Variants in NNT observed in about 807,000 individuals in gnomAD.
The protein encoded by NNT is NAD(P) transhydrogenase, mitochondrial.
NNT carries 50 observed loss-of-function variants against 104.8 expected under a neutral mutation model. The observed-to-expected ratio is 0.48, with a 90% confidence interval of 0.38 to 0.60. The LOEUF is 0.60. Among genes scored for constraint, NNT ranks in the 20% least tolerant of loss-of-function variants. NNT has a pLI of 0.00. For missense variants in NNT, 1,131 were observed against 1,330.7 expected, an observed-to-expected ratio of 0.85 and a Z score of 2.33; for synonymous variants, 461 against 490.4, an observed-to-expected ratio of 0.94 and a Z score of 0.79.
intron 5 of NNT, among the ~76,000 whole-genome samples, chr5:43,623,149 C>A (rs919674707): frequency 4.6e-5 from 7 of 152,106 alleles, no homozygotes; most frequent in Non-Finnish European, 1.0e-4. Context: ...GCCCAGAGCT[C>A]ACTGGAGCAC....
intron 20 of NNT, among the ~76,000 whole-genome samples, chr5:43,701,015 G>A (rs1470478111): frequency 6.6e-6 from 1 of 152,176 alleles, no homozygotes; most frequent in African/African-American, 2.4e-5. Flanking sequence ...GTTAAATTAT[G>A]TGTGACACCA....
chr5:43,637,445 T>G (rs1312181743), intron 7 of NNT, among the ~76,000 whole-genome samples: 1 of 152,208 alleles, frequency 6.6e-6, no homozygotes, highest in Non-Finnish European at 1.5e-5. Context: ...GATTTTGGTA[T>G]GGATCCATTA....
At chr5:43,679,718 T>C (rs566721723) in intron 19 of NNT, among the ~76,000 whole-genome samples, 10 of 152,188 alleles carry the variant, frequency 6.6e-5, no homozygotes, top group Admixed American at 1.3e-4. Context: ...GAGTAATTAT[T>C]TGATGAAAGG....
intron 17 of NNT, among the ~76,000 whole-genome samples, chr5:43,666,106 G>A (rs936812119): frequency 6.7e-6 from 1 of 149,472 alleles, no homozygotes; most frequent in South Asian, 2.1e-4. Context: ...CTCACTTCCC[G>A]GACTGGGCGG....
Position 43,677,817 on chromosome 5 carries a change from G to A in NNT, c.2876+11G>A, listed in dbSNP as rs762248503. 11 of 1,602,148 alleles carry A rather than the reference G, an allele frequency of 6.9e-6. No homozygotes were observed. Among genetic ancestry groups the A allele is most frequent in the Non-Finnish European group, 9.4e-6 (11 of 1,169,212 alleles). Reference sequence around the variant, plus strand: ...AGGCAAAAAAGTCAGGTAAGCGTTTGCAGTGGAGAGGCTTGCACTATGTGT... The same window carrying A: ...AGGCAAAAAAGTCAGGTAAGCGTTTACAGTGGAGAGGCTTGCACTATGTGT... On this transcript the variant is annotated intron_variant, in intron 19 of 21. Coordinates refer to ENST00000344920, the MANE Select transcript of NNT (RefSeq NM_182977.3).
intron 19 of NNT, 105 bp downstream of exon 19, chr5:43,677,911 C>T: frequency 1.2e-6 from 1 of 838,810 alleles, no homozygotes. Context: ...GGGCACTGAC[C>T]CGCCCATACA....
intron 16 of NNT, among the ~76,000 whole-genome samples, chr5:43,658,562 G>A (rs1057453646): frequency 6.6e-6 from 1 of 152,104 alleles, no homozygotes; most frequent in African/African-American, 2.4e-5. Flanking sequence ...GGTGGGTGGT[G>A]GGGGGCAGCT....
intron 17 of NNT, among the ~76,000 whole-genome samples, chr5:43,666,242 G>A (rs1250316497): frequency 6.6e-6 from 1 of 152,130 alleles, no homozygotes; most frequent in Non-Finnish European, 1.5e-5. Flanking sequence ...CAAGGCAGGC[G>A]GCTGGGAGGG....
intron 20 of NNT, 143 bp from the exon 21 acceptor site, chr5:43,702,478 T>G (rs977930698): frequency 2.8e-5 from 15 of 532,786 alleles, no homozygotes; most frequent in African/African-American, 2.2e-4. Context: ...CTGATAAAGT[T>G]CTTTGTAAAG....
intron 5 of NNT, among the ~76,000 whole-genome samples, chr5:43,621,617 C>G (rs533091738): frequency 6.6e-6 from 1 of 151,644 alleles, no homozygotes; most frequent in Non-Finnish European, 1.5e-5. Flanking sequence ...TCACTCCAGG[C>G]TGATCTGGAA....
chr5:43,663,787 T>C (rs912888320), intron 17 of NNT, among the ~76,000 whole-genome samples: 6 of 152,248 alleles, frequency 3.9e-5, no homozygotes, highest in African/African-American at 1.4e-4. Context: ...GAAAGTATTG[T>C]AAGGCACCAT....
At chr5:43,645,334 TA>T (rs1739328696) in intron 9 of NNT, 22 bp from the exon 10 acceptor site, 2 of 1,416,078 alleles carry the variant, frequency 1.4e-6, no homozygotes, top group Middle Eastern at 1.9e-4. Context: ...TTTTAATACG[TA>T]CTATTTTTTA....
intron 17 of NNT, among the ~76,000 whole-genome samples, chr5:43,662,511 A>C (rs1438097887): frequency 1.3e-5 from 2 of 152,150 alleles, no homozygotes; most frequent in Non-Finnish European, 2.9e-5. Context: ...AGAACTACCA[A>C]ATTATTCCGA....
intron 19 of NNT, among the ~76,000 whole-genome samples, chr5:43,691,051 T>C (rs934373261): frequency 2.0e-5 from 3 of 151,286 alleles, no homozygotes; most frequent in Non-Finnish European, 4.4e-5. Flanking sequence ...GGCCAACTGA[T>C]CCAGAATTTT....
At chr5:43,700,309 A>T in intron 20 of NNT, 72 bp downstream of exon 20, 1 of 1,078,162 alleles carries the variant, frequency 9.3e-7, no homozygotes, top group Admixed American at 2.0e-5. Flanking sequence ...GTGGGATATG[A>T]ATTGTAGATT....
At position 43,695,953 on chromosome 5, in the gene NNT, C is replaced by T. The variant is rs912478903; in HGVS notation, c.2877-4166C>T. Among the ~76,000 whole-genome samples, 8 of 152,138 alleles carry T rather than the reference C, an allele frequency of 5.3e-5. No individual in the cohort carries two copies. In the East Asian group the frequency reaches 7.7e-4, roughly 15 times the overall value. ...CCCACTGGGTCTCTCCCACAACACACGGGAATTCAAGATGACATTTTGGTA... is the reference window on the plus strand; with the variant it reads ...CCCACTGGGTCTCTCCCACAACACATGGGAATTCAAGATGACATTTTGGTA... On this transcript the variant is annotated intron_variant, in intron 19 of 21. Coordinates refer to ENST00000344920, the MANE Select transcript of NNT (RefSeq NM_182977.3).
In NNT at chr5:43,705,672, G is replaced by A. The variant is rs1171286929; in HGVS notation, c.*1268G>A. 1 of 151,966 alleles carries A rather than the reference G, an allele frequency of 6.6e-6. No individual in the cohort carries two copies. Among genetic ancestry groups the A allele is most frequent in the East Asian group, 1.9e-4 (1 of 5,202 alleles). The allele number at this position is 151,966 out of a possible 1,614,324, so 9.4% of individuals were successfully genotyped here. A position where few individuals can be genotyped will look rare whatever the true frequency, so the allele number is the denominator to read the frequency against. On this transcript the variant is annotated 3_prime_UTR_variant, in exon 22 of 22. Transcript: ENST00000344920. ...CAGAAAAAGAAGTAGTACAAATTTT[G>A]TTACTGTAATGCTCGCGTTTAGTGA...
At chr5:43,698,167 A>G (rs536661110) in intron 19 of NNT, among the ~76,000 whole-genome samples, 1 of 151,824 alleles carries the variant, frequency 6.6e-6, no homozygotes, top group Non-Finnish European at 1.5e-5. Flanking sequence ...ATTATATAAT[A>G]TATAATCTTG....
intron 7 of NNT, among the ~76,000 whole-genome samples, chr5:43,629,526 A>G (rs1223045372): frequency 6.6e-6 from 1 of 152,128 alleles, no homozygotes; most frequent in African/African-American, 2.4e-5. Context: ...TGGTAGTTCT[A>G]CTTTAGTTCT....
Sources: gnomAD v4.1 joint callset for allele counts (sites outside exome capture counted in the v4.1 genomes callset) on GRCh38, gnomAD v4.1.1 for gene constraint, MANE v1.5 for transcripts, NCBI Gene and HGNC (gene_info 2026-07-23, HGNC 2026-07-21) for gene names.